SLC4A5: variants seen among roughly 807,000 people sequenced by gnomAD.
The protein encoded by SLC4A5 is electrogenic sodium bicarbonate cotransporter 4.
A neutral mutation model predicts 120.4 loss-of-function variants in SLC4A5; 96 were observed. The observed-to-expected ratio is 0.80, with a 90% CI of 0.68 to 0.94. The LOEUF (loss-of-function observed/expected upper bound fraction) is 0.94, where lower values mean the gene tolerates loss of function less well. SLC4A5 is among the 40% of genes least tolerant of loss of function. The pLI is 0.00. For missense variants in SLC4A5, 1,259 were observed against 1,459.5 expected, an observed-to-expected ratio of 0.86 and a Z score of 2.24; for synonymous variants, 550 against 571.1, an observed-to-expected ratio of 0.96 and a Z score of 0.53.
intron 10 of SLC4A5, 131 bp from the exon 11 acceptor site, chr2:74,262,363 C>CT (rs1308343671): frequency 0.056 from 18,789 of 336,330 alleles, 447 homozygotes; most frequent in African/African-American, 0.12. Flanking sequence ...GGAAGAAATT[C>CT]TTTTTTTTTT....
chr2:74,332,872 T>C (rs1673395253), intron 4 of SLC4A5, among the ~76,000 whole-genome samples: 2 of 152,188 alleles, frequency 1.3e-5, no homozygotes, highest in Non-Finnish European at 2.9e-5. Context: ...AGAGAAGATA[T>C]GGCTACCCCT....
intron 6 of SLC4A5, among the ~76,000 whole-genome samples, chr2:74,305,434 G>A (rs902598845): frequency 6.6e-6 from 1 of 152,008 alleles, no homozygotes; most frequent in African/African-American, 2.4e-5. Flanking sequence ...TACCTACCTC[G>A]ACCCTAATCC....
exon 27 of SLC4A5, chr2:74,227,039 A>C: frequency 6.2e-7 from 1 of 1,614,156 alleles, no homozygotes; most frequent in Non-Finnish European, 8.5e-7. Flanking sequence ...CAGGGTGAAG[A>C]GGTGGATCCG....
intron 3 of SLC4A5, among the ~76,000 whole-genome samples, chr2:74,335,519 A>G (rs964856394): frequency 3.3e-5 from 5 of 152,194 alleles, no homozygotes; most frequent in Non-Finnish European, 2.9e-5. Context: ...GCTACCCTGG[A>G]AAGCTACTTC....
intron 28 of SLC4A5, 31 bp from the exon 29 acceptor site, chr2:74,222,983 A>C: frequency 3.4e-6 from 5 of 1,469,252 alleles, no homozygotes; most frequent in Non-Finnish European, 4.7e-6. Flanking sequence ...AAGAGGATAA[A>C]CACCAACACA....
At chr2:74,308,470 C>T (rs1170633475) in intron 6 of SLC4A5, among the ~76,000 whole-genome samples, 1 of 152,200 alleles carries the variant, frequency 6.6e-6, no homozygotes, top group East Asian at 1.9e-4. Context: ...TCCCAACTGA[C>T]ATATGACATT....
At chr2:74,239,196 T>G in intron 21 of SLC4A5, 139 bp downstream of exon 21, 1 of 711,914 alleles carries the variant, frequency 1.4e-6, no homozygotes, top group Non-Finnish European at 2.4e-6. Context: ...GGGAACACAG[T>G]TCTCTCTGAC....
intron 20 of SLC4A5, 120 bp from the exon 21 acceptor site, chr2:74,239,655 C>T: frequency 1.1e-6 from 1 of 920,802 alleles, no homozygotes; most frequent in Non-Finnish European, 1.7e-6. Flanking sequence ...GACCCCAGCC[C>T]CCCAGAGTGA....
chr2:74,222,152 T>C (rs1471630364), intron 29 of SLC4A5, among the ~76,000 whole-genome samples: 1 of 152,084 alleles, frequency 6.6e-6, no homozygotes, highest in Non-Finnish European at 1.5e-5. Flanking sequence ...CCTATTTCTC[T>C]AAAGGGAAAA....
chr2:74,231,677 T>C (rs1244671855), intron 24 of SLC4A5, among the ~76,000 whole-genome samples: 4 of 152,212 alleles, frequency 2.6e-5, no homozygotes, highest in Non-Finnish European at 5.9e-5. Context: ...TAATGGCACC[T>C]ATTGTGAGGA....
rs751384214 is a variant in SLC4A5, at chr2:74,252,397, G to T, written c.1269-9C>A. 3 of 1,606,030 alleles carry T rather than the reference G, an allele frequency of 1.9e-6. No homozygotes were observed. In the Admixed American group the frequency reaches 5.0e-5, roughly 27 times the overall value. ...GGGAGAACACAGATTTCCTGGAAGA[G>T]AAGGGGGATGAAGGAGAGTGGGTCC... On this transcript the variant is annotated splice_polypyrimidine_tract_variant and intron_variant, in intron 15 of 30. Transcript: ENST00000394019.
chr2:74,252,911 A>C (rs1670837545), intron 15 of SLC4A5, 63 bp downstream of exon 15: 7 of 1,576,156 alleles, frequency 4.4e-6, no homozygotes, highest in Non-Finnish European at 6.1e-6. Context: ...AAAGAGAAAT[A>C]AAATGATACC....
chr2:74,243,960 GC>G (rs1450278199), intron 19 of SLC4A5, among the ~76,000 whole-genome samples: 2 of 152,146 alleles, frequency 1.3e-5, no homozygotes, highest in East Asian at 1.9e-4. Flanking sequence ...GAAAGAGAGT[GC>G]CCCCAAACAA....
intron 19 of SLC4A5, among the ~76,000 whole-genome samples, chr2:74,242,382 G>A (rs901401171): frequency 6.6e-6 from 1 of 152,216 alleles, no homozygotes; most frequent in African/African-American, 2.4e-5. Context: ...AATCTTCACC[G>A]GCCACTGGGC....
chr2:74,231,119 T>G, intron 25 of SLC4A5, 117 bp downstream of exon 25: 1 of 923,746 alleles, frequency 1.1e-6, no homozygotes, highest in Non-Finnish European at 1.6e-6. Context: ...GACTGTGCCT[T>G]TCTTAGGGGG....
At chr2:74,244,150 G>A (rs1670532848) in intron 19 of SLC4A5, among the ~76,000 whole-genome samples, 1 of 152,150 alleles carries the variant, frequency 6.6e-6, no homozygotes, top group Admixed American at 6.5e-5. Flanking sequence ...TCCTTTCCAT[G>A]TTATCTTAAT....
intron 8 of SLC4A5, among the ~76,000 whole-genome samples, chr2:74,275,769 T>C (rs1292047958): frequency 6.6e-6 from 1 of 152,268 alleles, no homozygotes; most frequent in African/African-American, 2.4e-5. Context: ...TTAACAGGTA[T>C]TATCTCATTT....
At chr2:74,311,673 C>T (rs901549587) in intron 6 of SLC4A5, among the ~76,000 whole-genome samples, 2 of 151,978 alleles carry the variant, frequency 1.3e-5, no homozygotes, top group Admixed American at 6.6e-5. Flanking sequence ...GCATACTCTG[C>T]ATGACTTCTG....
rs200690467 is a variant in SLC4A5 at position 74,303,853 on chromosome 2, T to TA, written c.271+635_271+636insT. Reference sequence around the variant, plus strand: ...AAACAAGCATGTCCATTATTATTATTTTTTTTTTTTTTTTGAGACGGAGTC... The same window carrying TA: ...AAACAAGCATGTCCATTATTATTATTATTTTTTTTTTTTTTGAGACGGAGTC... On this transcript the variant is annotated intron_variant, in intron 7 of 30. Coordinates refer to ENST00000394019, the Ensembl canonical transcript of SLC4A5. Among the ~76,000 whole-genome samples the TA allele has an allele frequency of 2.5e-4, 20 of 78,652 alleles. No homozygotes were observed. In the African/African-American group the frequency reaches 2.6e-3, roughly 10 times the overall value. 51.6% of individuals were successfully genotyped at this position (78,652 alleles called of 152,430 possible). A position where few individuals can be genotyped will look rare whatever the true frequency, so the allele number is the denominator to read the frequency against.
Sources: allele counts gnomAD v4.1 joint callset (sites outside exome capture counted in the v4.1 genomes callset), GRCh38; gene constraint gnomAD v4.1.1; transcripts MANE v1.5; gene names NCBI Gene and HGNC (gene_info 2026-07-23, HGNC 2026-07-21).